Variants in DMD observed in about 807,000 individuals in gnomAD.
DMD encodes dystrophin, also known as mutant dystrophin.
A neutral mutation model predicts 330.1 loss-of-function variants in DMD; 63 were observed. The observed-to-expected ratio is 0.19, with a 90% CI of 0.16 to 0.24. The LOEUF (loss-of-function observed/expected upper bound fraction) is 0.24, where lower values mean the gene tolerates loss of function less well. Among genes scored for constraint, DMD ranks in the 10% least tolerant of loss-of-function variants. DMD has a pLI of 1.00. For missense variants in DMD, 3,344 were observed against 2,684.1 expected (o/e 1.25, Z -5.43); for synonymous variants, 1,223 against 959.8 (o/e 1.27, Z -5.07).
intron 44 of DMD, among the ~76,000 whole-genome samples, chrX:31,987,942 T>C (rs1325420546): frequency 8.9e-6 from 1 of 111,880 alleles, no homozygotes; most frequent in African/African-American, 3.3e-5. Context: ...TCAACTTAAG[T>C]GTTTAATAAT....
At chrX:33,094,807 CAAAAAAAA>C (rs199716276) in intron 1 of DMD, among the ~76,000 whole-genome samples, 1 of 60,086 alleles carries the variant, frequency 1.7e-5, no homozygotes, top group South Asian at 7.8e-4. Flanking sequence ...GACTCCATCT[CAAAAAAAA>C]AAAAAAAGAA....
In DMD at chrX:33,016,549, T is replaced by C. The variant is rs753265242; in HGVS notation, c.93+3590A>G. Among the ~76,000 whole-genome samples, 148 of 111,493 alleles carry C rather than the reference T, an allele frequency of 1.3e-3. 1 individual carries two copies. The highest frequency in any genetic ancestry group is 4.6e-3 in the African/African-American group (140 of 30,768). ...AATCCTCAGTTTGGTCCAGGAACAC[T>C]ATCATATCATGGGCTTTTGTGAAGA... On this transcript the variant is annotated intron_variant, in intron 2 of 78. Coordinates refer to ENST00000357033, the MANE Select transcript of DMD (RefSeq NM_004006.3).
intron 7 of DMD, among the ~76,000 whole-genome samples, chrX:32,797,396 C>T (rs1474286999): frequency 3.6e-5 from 4 of 112,520 alleles, no homozygotes; most frequent in Non-Finnish European, 7.5e-5. Flanking sequence ...CAAATATTAT[C>T]ACTGACTTAA....
At chrX:32,601,838 T>C in intron 12 of DMD, among the ~76,000 whole-genome samples, 1 of 112,223 alleles carries the variant, frequency 8.9e-6, no homozygotes, top group East Asian at 2.8e-4. Context: ...AAAACTGTTT[T>C]GCATTTTGCC....
chrX:32,778,996 G>C (rs1428715157), intron 7 of DMD, among the ~76,000 whole-genome samples: 2 of 111,521 alleles, frequency 1.8e-5, no homozygotes, highest in Non-Finnish European at 3.8e-5. Flanking sequence ...ATCATATTGA[G>C]TATCCAGATT....
intron 60 of DMD, among the ~76,000 whole-genome samples, chrX:31,430,073 T>C (rs1364813621): frequency 9.0e-6 from 1 of 111,027 alleles, no homozygotes; most frequent in East Asian, 2.8e-4. Context: ...TGTATTTTAT[T>C]ACCTAAAATT....
At chrX:31,833,924 C>A (rs2093133086) in intron 49 of DMD, among the ~76,000 whole-genome samples, 1 of 110,764 alleles carries the variant, frequency 9.0e-6, no homozygotes, top group South Asian at 3.8e-4. Context: ...TAAAGAATAT[C>A]ATTTTCTTCA....
At chrX:32,133,416 C>T (rs1011241522) in intron 44 of DMD, among the ~76,000 whole-genome samples, 1 of 111,485 alleles carries the variant, frequency 9.0e-6, no homozygotes, top group Admixed American at 9.6e-5. Flanking sequence ...CTTAGTGATA[C>T]AATCTGATAT....
At chrX:31,297,042 C>T (rs781365936) in intron 62 of DMD, among the ~76,000 whole-genome samples, 5 of 111,219 alleles carry the variant, frequency 4.5e-5, no homozygotes, top group Non-Finnish European at 9.4e-5. Context: ...TGTGTATACA[C>T]AATTGTGTAT....
At chrX:32,821,831 G>A (rs762074956) in intron 5 of DMD, among the ~76,000 whole-genome samples, 3 of 110,320 alleles carry the variant, frequency 2.7e-5, no homozygotes, top group East Asian at 5.8e-4. Context: ...AAATGGAGAA[G>A]AAACTTCTTT....
intron 2 of DMD, among the ~76,000 whole-genome samples, chrX:32,878,254 T>A (rs2083541353): frequency 9.1e-6 from 1 of 110,439 alleles, no homozygotes; most frequent in Admixed American, 9.6e-5. Flanking sequence ...GGCGGGCGCC[T>A]GTAGTCCCAG....
intron 25 of DMD, among the ~76,000 whole-genome samples, chrX:32,456,931 A>G (rs1367403824): frequency 1.0e-5 from 1 of 95,645 alleles, no homozygotes; most frequent in East Asian, 3.4e-4. Flanking sequence ...ATGCAGGTCT[A>G]GGATCATTAG....
At chrX:32,580,447 A>T (rs1001461241) in intron 13 of DMD, among the ~76,000 whole-genome samples, 5 of 111,793 alleles carry the variant, frequency 4.5e-5, no homozygotes, top group Admixed American at 3.8e-4. Flanking sequence ...CTGTGAACAA[A>T]CTCAATCTTG....
intron 60 of DMD, among the ~76,000 whole-genome samples, chrX:31,430,311 C>T (rs2063967701): frequency 9.0e-6 from 1 of 111,446 alleles, no homozygotes; most frequent in Admixed American, 9.5e-5. Flanking sequence ...TTCTTCCCCA[C>T]ACCCTGGGGA....
chrX:32,048,551 T>C (rs1055558816), intron 44 of DMD, among the ~76,000 whole-genome samples: 3 of 110,321 alleles, frequency 2.7e-5, no homozygotes, highest in African/African-American at 6.6e-5. Context: ...GATGTCACAC[T>C]CTCAGCCTCC....
intron 5 of DMD, among the ~76,000 whole-genome samples, chrX:32,819,597 G>C (rs932278911): frequency 9.0e-6 from 1 of 111,691 alleles, no homozygotes; most frequent in African/African-American, 3.3e-5. Flanking sequence ...ATGGACAGTA[G>C]AAAAACAGTA....
intron 56 of DMD, among the ~76,000 whole-genome samples, chrX:31,502,761 A>C (rs971400149): frequency 9.0e-6 from 1 of 111,721 alleles, no homozygotes; most frequent in Non-Finnish European, 1.9e-5. Flanking sequence ...ATCTTCATAT[A>C]TATTTCTTAT....
chrX:33,124,500 A>AAAC (rs1569555862), intron 1 of DMD, among the ~76,000 whole-genome samples: 164 of 104,394 alleles, frequency 1.6e-3, no homozygotes, highest in African/African-American at 5.7e-3. Flanking sequence ...AAAAAAAAAA[A>AAAC]AAAAAAAAAA....
intron 29 of DMD, among the ~76,000 whole-genome samples, chrX:32,420,606 G>C (rs1417097646): frequency 9.0e-6 from 1 of 111,656 alleles, no homozygotes; most frequent in Non-Finnish European, 1.9e-5. Flanking sequence ...TATCCAGTCA[G>C]TACAGTAGTG....
Sources: allele counts gnomAD v4.1 joint callset (sites outside exome capture counted in the v4.1 genomes callset), GRCh38; gene constraint gnomAD v4.1.1; transcripts MANE v1.5; gene names NCBI Gene and HGNC (gene_info 2026-07-23, HGNC 2026-07-21).